Variants in CLNK observed in about 807,000 individuals in gnomAD.
CLNK encodes the protein cytokine dependent hematopoietic cell linker.
A neutral mutation model predicts 68.6 loss-of-function variants in CLNK; 74 were observed. That is an observed-to-expected ratio of 1.08 (90% confidence interval 0.89 to 1.31). CLNK has a LOEUF of 1.31. CLNK is among the 50% of genes most tolerant of loss of function. The pLI is 0.00. For synonymous variants in CLNK, 198 were observed against 172.2 expected, an observed-to-expected ratio of 1.15 and a Z score of -1.17; for missense variants, 553 against 515.3, an observed-to-expected ratio of 1.07 and a Z score of -0.71.
At chr4:10,669,902 T>C (rs1577209704) in intron 1 of CLNK, among the ~76,000 whole-genome samples, 1 of 152,174 alleles carries the variant, frequency 6.6e-6, no homozygotes, top group East Asian at 1.9e-4. Flanking sequence ...ATTTCCATCA[T>C]GGCAGTGGGG....
At chr4:10,546,791 G>A (rs1191370803) in intron 8 of CLNK, among the ~76,000 whole-genome samples, 1 of 152,070 alleles carries the variant, frequency 6.6e-6, no homozygotes, top group Non-Finnish European at 1.5e-5. Flanking sequence ...TGGAAACTAG[G>A]TGATGATTTA....
chr4:10,649,473 C>A (rs1200278061), intron 2 of CLNK, among the ~76,000 whole-genome samples: 1 of 152,114 alleles, frequency 6.6e-6, no homozygotes, highest in African/African-American at 2.4e-5. Flanking sequence ...CCTGGCAGAA[C>A]ATGGGAGACT....
intron 18 of CLNK, among the ~76,000 whole-genome samples, chr4:10,500,460 C>T (rs954558888): frequency 9.2e-5 from 14 of 152,170 alleles, no homozygotes; most frequent in African/African-American, 3.4e-4. Flanking sequence ...GCAGGCAGAT[C>T]ATCTGAAGTC....
At chr4:10,547,060 G>C (rs1470161798) in intron 8 of CLNK, among the ~76,000 whole-genome samples, 1 of 152,080 alleles carries the variant, frequency 6.6e-6, no homozygotes, top group African/African-American at 2.4e-5. Context: ...ATTCATCCAT[G>C]AGGGCAGAGC....
intron 2 of CLNK, among the ~76,000 whole-genome samples, chr4:10,610,280 G>A (rs1721961193): frequency 6.7e-6 from 1 of 149,374 alleles, no homozygotes; most frequent in Non-Finnish European, 1.5e-5. Flanking sequence ...TCCTGACCTC[G>A]TGATCCGCCC....
the CLNK span, among the ~76,000 whole-genome samples, chr4:10,733,426 A>T: frequency 6.6e-6 from 1 of 152,152 alleles, no homozygotes; most frequent in Non-Finnish European, 1.5e-5. Flanking sequence ...TTCCTGCTTC[A>T]TTATGTATTA....
chr4:10,593,547 A>G (rs992448439), intron 3 of CLNK, among the ~76,000 whole-genome samples: 4 of 152,088 alleles, frequency 2.6e-5, no homozygotes, highest in African/African-American at 4.8e-5. Context: ...CCAGCTACTC[A>G]GGAGGCTGAG....
At chr4:10,546,634 G>T (rs1386047956) in intron 8 of CLNK, among the ~76,000 whole-genome samples, 3 of 152,098 alleles carry the variant, frequency 2.0e-5, no homozygotes, top group African/African-American at 7.2e-5. Context: ...TTTCTATCCT[G>T]CTCCTACAAA....
chr4:10,732,012 A>G, the CLNK span, among the ~76,000 whole-genome samples: 1 of 152,244 alleles, frequency 6.6e-6, no homozygotes, highest in African/African-American at 2.4e-5. Flanking sequence ...GATTTCAAGC[A>G]ATCAATATGA....
the CLNK span, among the ~76,000 whole-genome samples, chr4:10,708,456 C>T: frequency 8.5e-4 from 130 of 152,106 alleles, no homozygotes; most frequent in African/African-American, 2.7e-3. Context: ...GGTGACATGC[C>T]CATCAGTGGC....
At chr4:10,507,449 T>TTTATTTATTTAC (rs1717355162) in intron 17 of CLNK, among the ~76,000 whole-genome samples, 1 of 54,414 alleles carries the variant, frequency 1.8e-5, no homozygotes, top group Non-Finnish European at 3.4e-5. Flanking sequence ...TATTTATTTA[T>TTTATTTATTTAC]TTATTTATTT....
chr4:10,532,204 T>A (rs1166089278), intron 12 of CLNK, 52 bp downstream of exon 12: 5 of 1,422,998 alleles, frequency 3.5e-6, no homozygotes, highest in Non-Finnish European at 4.9e-6. Context: ...TTGCAGACAT[T>A]TAATGCCTCA....
the CLNK span, among the ~76,000 whole-genome samples, chr4:10,715,120 A>G: frequency 2.4e-4 from 36 of 152,126 alleles, no homozygotes; most frequent in Non-Finnish European, 4.0e-4. Context: ...TGTCCTTTAT[A>G]TATTGTCAAA....
chr4:10,513,723 A>G (rs1042605044), intron 15 of CLNK, 126 bp from the exon 16 acceptor site: 5 of 816,996 alleles, frequency 6.1e-6, no homozygotes, highest in African/African-American at 5.4e-5. Flanking sequence ...GGTCAACACC[A>G]TATCAGCTCA....
intron 15 of CLNK, among the ~76,000 whole-genome samples, chr4:10,514,127 C>T (rs1268383219): frequency 9.9e-5 from 14 of 141,860 alleles, no homozygotes; most frequent in Admixed American, 7.3e-4. Flanking sequence ...TTTGTTCTTG[C>T]GATAGTTTAC....
chr4:10,626,879 C>A (rs977494463), intron 2 of CLNK, among the ~76,000 whole-genome samples: 1 of 152,152 alleles, frequency 6.6e-6, no homozygotes, highest in Non-Finnish European at 1.5e-5. Flanking sequence ...CCTTTGTGTT[C>A]TTTGAGTAGG....
At chr4:10,534,232 C>G (rs1718656488) in intron 11 of CLNK, among the ~76,000 whole-genome samples, 1 of 152,184 alleles carries the variant, frequency 6.6e-6, no homozygotes, top group South Asian at 2.1e-4. Flanking sequence ...GGAATTTTCA[C>G]TGAGAACCCA....
At chr4:10,687,769 C>G (rs975510317), upstream of CLNK, among the ~76,000 whole-genome samples, 2 of 152,188 alleles carry the variant, frequency 1.3e-5, no homozygotes, top group African/African-American at 4.8e-5. Context: ...CTTCCTGTCT[C>G]ACATTCCACA....
At chr4:10,723,190 G>A in the CLNK span, among the ~76,000 whole-genome samples, 1 of 152,168 alleles carries the variant, frequency 6.6e-6, no homozygotes, top group Non-Finnish European at 1.5e-5. Flanking sequence ...TGTCATAGCT[G>A]CAGTGAAGTT....
Sources: gnomAD v4.1 joint callset for allele counts (sites outside exome capture counted in the v4.1 genomes callset) on GRCh38, gnomAD v4.1.1 for gene constraint, MANE v1.5 for transcripts, NCBI Gene and HGNC (gene_info 2026-07-23, HGNC 2026-07-21) for gene names.